Variants in DCHS2 observed in about 807,000 individuals in gnomAD.
DCHS2 encodes protocadherin-23.
A neutral mutation model predicts 182.4 loss-of-function variants in DCHS2; 142 were observed. The observed-to-expected ratio is 0.78, with a 90% CI of 0.68 to 0.89. The LOEUF is 0.89. DCHS2 is among the 40% of genes least tolerant of loss of function. The pLI, the probability that DCHS2 is intolerant of heterozygous loss-of-function variation, is 0.00. For missense variants in DCHS2, 4,319 were observed against 4,198.6 expected, an observed-to-expected ratio of 1.03 and a Z score of -0.79; for synonymous variants, 1,740 against 1,663.3, an observed-to-expected ratio of 1.05 and a Z score of -1.12.
chr4:154,426,556 T>C (rs1034101930), intron 1 of DCHS2, among the ~76,000 whole-genome samples: 1 of 152,132 alleles, frequency 6.6e-6, no homozygotes, highest in Non-Finnish European at 1.5e-5. Flanking sequence ...ATGTAATCAG[T>C]ACAAATATAT....
chr4:154,358,394 A>G (rs115615425), intron 3 of DCHS2, among the ~76,000 whole-genome samples: 2,286 of 152,296 alleles, frequency 0.015, 56 homozygotes, highest in African/African-American at 0.051. Flanking sequence ...ACTATAATCA[A>G]TACATAAAGT....
chr4:154,419,819 A>AC (rs1335436356), intron 1 of DCHS2, among the ~76,000 whole-genome samples: 1 of 113,116 alleles, frequency 8.8e-6, no homozygotes, highest in African/African-American at 2.9e-5. Flanking sequence ...CTAGAACAAG[A>AC]CCAAAAAAAA....
At chr4:154,252,580 A>G (rs1732430218) in intron 16 of DCHS2, among the ~76,000 whole-genome samples, 1 of 151,602 alleles carries the variant, frequency 6.6e-6, no homozygotes, top group African/African-American at 2.4e-5. Context: ...AAGTGAGAAC[A>G]TGTGATGTTT....
rs1010735230 is a variant in DCHS2 at position 154,320,981 on chromosome 4, G to A, written c.4418C>T (p.Ser1473Phe). ...AGTAATCACTCTGAAAAGATAATGA[G>A]ATGTCGTCTCATAATCAAGTTCCTT... ...LSKELDYETT[S>F]HYLFRVITTD... is the part of the protein sequence containing the mutation. The change falls in exon 9 of 20, where the codon TCT becomes TTT. Residue 1473 changes from serine (S) to phenylalanine (F), a missense_variant. Ser to Phe is a radical substitution (Grantham distance 155, BLOSUM62 -2). Transcript: ENST00000357232. The A allele has an allele frequency of 6.2e-7, 1 of 1,613,928 alleles. No homozygotes were observed. Among genetic ancestry groups the A allele is most frequent in the Non-Finnish European group, 8.5e-7 (1 of 1,179,980 alleles).
rs143265895 is a variant in DCHS2 at position 154,378,495 on chromosome 4, G to C, written c.2053-1051C>G. 0.013 allele frequency among the ~76,000 whole-genome samples: 604 copies of C among 45,182 alleles called. 32 individuals are homozygous for C. In the South Asian group the frequency reaches 0.28, roughly 21 times the overall value. 29.6% of individuals were successfully genotyped at this position (45,182 alleles called of 152,430 possible). ...AAGGAAAGAAGGAAGGAGGGAGGGAGGGTGGGAAGGAAGGAAGGAAGGAAA... is the reference window on the plus strand; with the variant it reads ...AAGGAAAGAAGGAAGGAGGGAGGGACGGTGGGAAGGAAGGAAGGAAGGAAA... On this transcript the variant is annotated intron_variant, in intron 1 of 19. Coordinates refer to ENST00000357232, the MANE Select transcript of DCHS2 (RefSeq NM_001358235.2).
intron 3 of DCHS2, among the ~76,000 whole-genome samples, chr4:154,351,366 T>C (rs976723267): frequency 9.2e-5 from 14 of 152,176 alleles, no homozygotes; most frequent in Admixed American, 8.5e-4. Flanking sequence ...GCCATTTTTA[T>C]AATACAGTTC....
intron 14 of DCHS2, among the ~76,000 whole-genome samples, chr4:154,268,050 G>A (rs562938275): frequency 6.6e-6 from 1 of 152,260 alleles, no homozygotes; most frequent in South Asian, 2.1e-4. Context: ...CTAAGCATTT[G>A]CCATGCCCTG....
intron 1 of DCHS2, among the ~76,000 whole-genome samples, chr4:154,384,147 G>A (rs1441935698): frequency 6.6e-6 from 1 of 152,146 alleles, no homozygotes; most frequent in Non-Finnish European, 1.5e-5. Flanking sequence ...GTGGAACTTG[G>A]AATCAGCATT....
At chr4:154,275,885 C>A (rs1027587330) in intron 13 of DCHS2, among the ~76,000 whole-genome samples, 1 of 152,066 alleles carries the variant, frequency 6.6e-6, no homozygotes, top group Admixed American at 6.6e-5. Flanking sequence ...AAGGAACAAT[C>A]CTATTTTTGT....
intron 1 of DCHS2, among the ~76,000 whole-genome samples, chr4:154,441,570 T>TAC (rs1734013567): frequency 6.6e-6 from 1 of 151,988 alleles, no homozygotes; most frequent in Admixed American, 6.6e-5. Context: ...CAGAAAAGTT[T>TAC]TTTCCTATTT....
At chr4:154,433,021 C>T (rs1039988461) in intron 1 of DCHS2, among the ~76,000 whole-genome samples, 1 of 152,252 alleles carries the variant, frequency 6.6e-6, no homozygotes, top group East Asian at 1.9e-4. Flanking sequence ...TCATAAACTC[C>T]GGTACCTGTG....
intron 1 of DCHS2, among the ~76,000 whole-genome samples, chr4:154,471,306 G>A (rs1735457445): frequency 6.6e-6 from 1 of 152,070 alleles, no homozygotes; most frequent in Non-Finnish European, 1.5e-5. Flanking sequence ...ATATGTTAAG[G>A]TTCATGTGTG....
intron 1 of DCHS2, among the ~76,000 whole-genome samples, chr4:154,404,652 C>A (rs1344001451): frequency 1.3e-5 from 2 of 152,190 alleles, no homozygotes; most frequent in African/African-American, 2.4e-5. Flanking sequence ...TTTATTCTTT[C>A]TCCCTGCACT....
intron 1 of DCHS2, among the ~76,000 whole-genome samples, chr4:154,485,799 GTTATAC>G (rs1371463552): frequency 6.6e-6 from 1 of 152,260 alleles, no homozygotes; most frequent in African/African-American, 2.4e-5. Flanking sequence ...CAATGCTGGA[GTTATAC>G]TTAGTACAGA....
intron 6 of DCHS2, among the ~76,000 whole-genome samples, chr4:154,328,803 A>G (rs1468082745): frequency 6.6e-6 from 1 of 152,196 alleles, no homozygotes; most frequent in Non-Finnish European, 1.5e-5. Flanking sequence ...GATCAGTTTA[A>G]AGTTATGAGT....
intron 16 of DCHS2, among the ~76,000 whole-genome samples, chr4:154,251,905 G>A (rs115393495): frequency 0.022 from 3,288 of 151,962 alleles, 100 homozygotes; most frequent in African/African-American, 0.074. Context: ...ATAGCTTTTT[G>A]TATATTCATA....
rs35172627 is a variant in DCHS2, at chr4:154,489,757, A to G, written c.1599T>C (p.Asn533=). 0.24 allele frequency: 368,324 copies of G among 1,551,470 alleles called. 47,042 individuals carry two copies. The highest frequency in any genetic ancestry group is 0.27 in the Non-Finnish European group (309,533 of 1,146,902). Reference sequence around the variant, plus strand: ...GTTGGCTGAAGAGAGGTGGTTGGTCATTGAGGTCAGCGACCCGGAGTAGCA... The same window carrying G: ...GTTGGCTGAAGAGAGGTGGTTGGTCGTTGAGGTCAGCGACCCGGAGTAGCA... The part of the protein sequence containing the change: ...ETLLLRVADL[N]DQPPLFSQQH... The change falls in exon 1 of 20, where the codon AAT becomes AAC. Residue 533 remains asparagine (N), a synonymous_variant. Coordinates refer to ENST00000357232, the MANE Select transcript of DCHS2 (RefSeq NM_001358235.2).
At chr4:154,450,695 T>C (rs1734494446) in intron 1 of DCHS2, among the ~76,000 whole-genome samples, 1 of 151,936 alleles carries the variant, frequency 6.6e-6, no homozygotes, top group Non-Finnish European at 1.5e-5. Flanking sequence ...TAGCCAGGCA[T>C]AGTGGCACAT....
chr4:154,436,666 C>A (rs1052719766), intron 1 of DCHS2, among the ~76,000 whole-genome samples: 1 of 152,078 alleles, frequency 6.6e-6, no homozygotes, highest in African/African-American at 2.4e-5. Flanking sequence ...GAAGTAGGAA[C>A]CAGCATGTCC....
Sources: gnomAD v4.1 joint callset for allele counts (sites outside exome capture counted in the v4.1 genomes callset) on GRCh38, gnomAD v4.1.1 for gene constraint, MANE v1.5 for transcripts, NCBI Gene and HGNC (gene_info 2026-07-23, HGNC 2026-07-21) for gene names.